The following ZFP28 variants were observed in gnomAD, a reference collection of about 807,000 sequenced individuals.
ZFP28 encodes zinc finger protein 28 homolog.
In ZFP28, 31 loss-of-function variants were observed where a neutral mutation model predicts 39.5. The observed-to-expected ratio is 0.79, with a 90% CI of 0.59 to 1.06. The LOEUF is 1.06. Among genes scored for constraint, ZFP28 ranks in the 50% least tolerant of loss-of-function variants. ZFP28 has a pLI of 0.00. For synonymous variants in ZFP28, 400 were observed against 378.6 expected (o/e 1.06, Z -0.66); for missense variants, 925 against 1,048.4 (o/e 0.88, Z 1.63).
chr19:56,539,273 T>C, intron 1 of ZFP28, 47 bp downstream of exon 1: 1 of 1,529,900 alleles, frequency 6.5e-7, no homozygotes. Flanking sequence ...GACGAATTCA[T>C]CTCGGGATGA....
intron 5 of ZFP28, among the ~76,000 whole-genome samples, chr19:56,549,817 G>GT (rs1413938673): frequency 2.0e-5 from 3 of 152,188 alleles, no homozygotes; most frequent in Admixed American, 1.3e-4. Flanking sequence ...CATACTGTGT[G>GT]TAAGTTCATA....
Position 56,547,641 on chromosome 19 carries a change from G to A in ZFP28, c.427+7G>A. ...AGGAACCTGGCATCGCTGGGTAAGG[G>A]CTCCCACCCCTTTTCCCACCCCTCA... On this transcript the variant is annotated splice_region_variant and intron_variant, in intron 3 of 7. Transcript: ENST00000301318. The surrounding 1 kb of genome is among the most constrained non-coding windows in gnomAD (Gnocchi z 4.6). 1 of 1,604,176 alleles carries A rather than the reference G, an allele frequency of 6.2e-7. No homozygotes were observed. The highest frequency in any genetic ancestry group is 8.5e-7 in the Non-Finnish European group (1 of 1,174,682).
At chr19:56,542,717 AAT>A (rs1176527902) in intron 2 of ZFP28, among the ~76,000 whole-genome samples, 1 of 152,162 alleles carries the variant, frequency 6.6e-6, no homozygotes, top group African/African-American at 2.4e-5. Context: ...ATAGTGTTAG[AAT>A]AGTCATTTTT....
chr19:56,539,280 A>T (rs2044171978), intron 1 of ZFP28, 54 bp downstream of exon 1: 1 of 1,511,658 alleles, frequency 6.6e-7, no homozygotes. Flanking sequence ...TCATCTCGGG[A>T]TGAGATCTGG....
chr19:56,555,079 C>T lies in ZFP28; in HGVS notation c.2294C>T (p.Ala765Val). ...KPYECSVCGK[A>V]FSHRQSLSVH... ...TATGAATGCAGTGTGTGTGGCAAAG[C>T]CTTTAGTCATCGTCAATCCCTTAGT... Residue 765 changes from alanine (A) to valine (V), a missense_variant, in exon 8 of 8, where the codon GCC (alanine) becomes GTC (valine). Coordinates refer to ENST00000301318, the MANE Select transcript of ZFP28 (RefSeq NM_020828.2). The T allele has an allele frequency of 6.2e-7, 1 of 1,614,138 alleles. No individual in the cohort carries two copies. Among genetic ancestry groups the T allele is most frequent in the East Asian group, 2.2e-5 (1 of 44,878 alleles).
In ZFP28 at chr19:56,538,967, G is replaced by C. The variant is rs1361418517; in HGVS notation, c.-52G>C. On this transcript the variant is annotated 5_prime_UTR_variant, in exon 1 of 8. Coordinates refer to ENST00000301318, the MANE Select transcript of ZFP28 (RefSeq NM_020828.2). ...GCGTGGCGGGCGGGTGTGGCCAGGG[G>C]TGTGGGTCTGTGAGGGACCGGTCGG... 7.6e-7 allele frequency: 1 copy of C among 1,310,948 alleles called. No individual in the cohort carries two copies. Among genetic ancestry groups the C allele is most frequent in the Admixed American group, 3.8e-5 (1 of 26,046 alleles). The allele number at this position is 1,310,948 out of a possible 1,614,324, so 81.2% of individuals were successfully genotyped here. A position where few individuals can be genotyped will look rare whatever the true frequency, so the allele number is the denominator to read the frequency against.
intron 2 of ZFP28, among the ~76,000 whole-genome samples, chr19:56,543,567 G>A (rs2044214898): frequency 6.6e-6 from 1 of 151,752 alleles, no homozygotes; most frequent in Admixed American, 6.6e-5. Flanking sequence ...ACCATACCCA[G>A]TTCATATGTA....
At chr19:56,550,790 G>A in intron 7 of ZFP28, 185 bp downstream of exon 7, 2 of 1,518,854 alleles carry the variant, frequency 1.3e-6, no homozygotes, top group Non-Finnish European at 1.8e-6. Context: ...CTTCTCTCCA[G>A]TAACTGCCAT....
Position 56,547,757 on chromosome 19 carries a change from T to G in ZFP28, c.428-50T>G, listed in dbSNP as rs780085366. On this transcript the variant is annotated intron_variant, in intron 3 of 7. Coordinates refer to ENST00000301318, the MANE Select transcript of ZFP28 (RefSeq NM_020828.2). The surrounding 1 kb of genome is among the most constrained non-coding windows in gnomAD (Gnocchi z 4.6). ...TGCGTCAAGCCAAGGGGACTGCATC[T>G]CAGTCTGGACAGCCACACAGTATGA... The G allele has an allele frequency of 6.2e-7, 1 of 1,608,266 alleles. No homozygotes were observed. Among genetic ancestry groups the G allele is most frequent in the Middle Eastern group, 1.7e-4 (1 of 6,036 alleles).
chr19:56,548,887 G>T, intron 4 of ZFP28, 71 bp from the exon 5 acceptor site: 1 of 1,434,582 alleles, frequency 7.0e-7, no homozygotes. Context: ...TAATTTAACG[G>T]TTGCATTTTG....
At chr19:56,541,170 A>C (rs1351294606) in intron 2 of ZFP28, among the ~76,000 whole-genome samples, 1 of 152,140 alleles carries the variant, frequency 6.6e-6, no homozygotes, top group Non-Finnish European at 1.5e-5. Context: ...CGAAGTCCTG[A>C]GAGTCTCCCA....
chr19:56,539,473 C>A, intron 1 of ZFP28, 152 bp from the exon 2 acceptor site: 1 of 749,530 alleles, frequency 1.3e-6, no homozygotes, highest in Non-Finnish European at 2.1e-6. Context: ...TTCGTGCTCC[C>A]AGGGAGGAAA....
chr19:56,554,068 CTT>C lies in ZFP28; in HGVS notation c.1286_1287del (p.Phe429TyrfsTer20). ...TTCAAGTGTAATGAATGTAAGAAAA[CTT>C]TTACCCAGAGCTCATCTCTTACTGT... is the stretch of plus-strand genomic sequence containing the variant. On this transcript the variant is annotated frameshift_variant, in exon 8 of 8. Coordinates refer to ENST00000301318, the MANE Select transcript of ZFP28 (RefSeq NM_020828.2). LOFTEE classifies it low-confidence loss of function (END_TRUNC). The surrounding 1 kb of genome is among the most constrained non-coding windows in gnomAD (Gnocchi z 6.7). The C allele has an allele frequency of 6.2e-7, 1 of 1,614,154 alleles. No homozygotes were observed. Among genetic ancestry groups the C allele is most frequent in the Non-Finnish European group, 8.5e-7 (1 of 1,180,010 alleles).
At chr19:56,542,969 C>G (rs923531873) in intron 2 of ZFP28, among the ~76,000 whole-genome samples, 2 of 152,086 alleles carry the variant, frequency 1.3e-5, no homozygotes, top group Admixed American at 1.3e-4. Flanking sequence ...AGAAGTTTTT[C>G]TTGCCTCATG....
rs2044254696 is a variant in ZFP28, at chr19:56,547,647, A to C, written c.427+13A>C. On this transcript the variant is annotated intron_variant, in intron 3 of 7. Coordinates refer to ENST00000301318, the MANE Select transcript of ZFP28 (RefSeq NM_020828.2). This position sits in a 1 kb window ranked among gnomAD's most constrained non-coding sequence, Gnocchi z 4.6. ...CTGGCATCGCTGGGTAAGGGCTCCC[A>C]CCCCTTTTCCCACCCCTCACCCTAC... 4 of 1,599,614 alleles carry C rather than the reference A, an allele frequency of 2.5e-6. No individual in the cohort carries two copies. Among genetic ancestry groups the C allele is most frequent in the Non-Finnish European group, 3.4e-6 (4 of 1,172,052 alleles).
At position 56,547,403 on chromosome 19, in the gene ZFP28, T is replaced by C. The variant is rs1379548857; in HGVS notation, c.301-105T>C. 3.3e-6 allele frequency: 5 copies of C among 1,527,728 alleles called. No homozygotes were observed. The highest frequency in any genetic ancestry group is 4.5e-6 in the Non-Finnish European group (5 of 1,114,312). The allele number at this position is 1,527,728 out of a possible 1,614,324, so 94.6% of individuals were successfully genotyped here. On this transcript the variant is annotated intron_variant, in intron 2 of 7. Coordinates refer to ENST00000301318, the MANE Select transcript of ZFP28 (RefSeq NM_020828.2). This position sits in a 1 kb window ranked among gnomAD's most constrained non-coding sequence, Gnocchi z 4.6. ...TCAAAAGTACTGGGGATTAGGAGTT[T>C]AATGTAGGAGTTTTGTCAGGGGACA...
Position 56,551,927 on chromosome 19 carries a change from T to G in ZFP28, c.898+1322T>G, listed in dbSNP as rs1458929469. On this transcript the variant is annotated intron_variant, in intron 7 of 7. Coordinates refer to ENST00000301318, the MANE Select transcript of ZFP28 (RefSeq NM_020828.2). ...CTCAAACTATTTTCACATATGGCAA[T>G]AAGAGTTTTAATTTTAATTAGGTCT... 4 of 981,876 alleles carry G rather than the reference T, an allele frequency of 4.1e-6. No individual in the cohort carries two copies. In the East Asian group the frequency reaches 4.5e-4, roughly 112 times the overall value. The allele number at this position is 981,876 out of a possible 1,614,324, so 60.8% of individuals were successfully genotyped here. A position where few individuals can be genotyped will look rare whatever the true frequency, so the allele number is the denominator to read the frequency against.
chr19:56,547,895 G>A lies in ZFP28; in HGVS notation c.516G>A (p.Trp172Ter), dbSNP rs2044258160. Residue 172 changes from tryptophan (W) to a stop codon, truncating the protein, a stop_gained, in exon 4 of 8, where the codon TGG becomes TGA. Transcript: ENST00000301318. LOFTEE classifies it high-confidence loss of function. The surrounding 1 kb of genome is among the most constrained non-coding windows in gnomAD (Gnocchi z 4.6). ...WTVKRKMTRA[W>*]CPDLKAVWKI... is the part of the protein sequence containing the mutation. ...TGAAGCGAAAGATGACAAGAGCCTG[G>A]TGCCCAGGTGAGTGTGGGAGAACCA... The A allele has an allele frequency of 6.2e-7, 1 of 1,614,160 alleles. No individual in the cohort carries two copies. The highest frequency in any genetic ancestry group is 1.7e-5 in the Admixed American group (1 of 60,026).
At chr19:56,542,633 C>G (rs1438222971) in intron 2 of ZFP28, among the ~76,000 whole-genome samples, 2 of 152,178 alleles carry the variant, frequency 1.3e-5, no homozygotes, top group Non-Finnish European at 2.9e-5. Flanking sequence ...ATGTCTGATA[C>G]AGAAAATATT....
Sources: gnomAD v4.1 joint callset for allele counts (sites outside exome capture counted in the v4.1 genomes callset) on GRCh38, gnomAD v4.1.1 for gene constraint, Gnocchi (gnomAD v3.1) non-coding constraint, MANE v1.5 for transcripts, NCBI Gene and HGNC (gene_info 2026-07-23, HGNC 2026-07-21) for gene names.